WDR27: variants seen among roughly 807,000 people sequenced by gnomAD.
WDR27 encodes WD repeat domain 27, also known as WD repeat-containing protein 27.
A neutral mutation model predicts 114.4 loss-of-function variants in WDR27; 100 were observed. The ratio of observed to expected loss-of-function variants is 0.87; its 90% CI spans 0.74 to 1.03. The LOEUF (loss-of-function observed/expected upper bound fraction) is 1.03, where lower values mean the gene tolerates loss of function less well. Ranked by LOEUF, WDR27 falls within the 50% of genes least tolerant of loss-of-function variation. The probability of loss-of-function intolerance (pLI) is 0.00; values close to 1 mark genes in which losing one functional copy is unlikely to be tolerated. For synonymous variants in WDR27, 449 were observed against 423.1 expected (o/e 1.06, Z -0.75); for missense variants, 1,129 against 1,092.9 (o/e 1.03, Z -0.47).
At chr6:169,673,677 C>T (rs1585080303) in intron 2 of WDR27, among the ~76,000 whole-genome samples, 1 of 152,000 alleles carries the variant, frequency 6.6e-6, no homozygotes, top group East Asian at 1.9e-4. Context: ...GGGCTACGGG[C>T]ACAAAAATGG....
rs569461371 is a variant in WDR27, at chr6:169,608,890, C to T, written c.2321+4669G>A. Among the ~76,000 whole-genome samples, 6 of 152,326 alleles carry T rather than the reference C, an allele frequency of 3.9e-5. No individual in the cohort carries two copies. In the East Asian group the frequency reaches 5.8e-4, roughly 15 times the overall value. ...TGTAATATCAAAAGCAAGCTAGTTA[C>T]TTCCTAGATACAATGGGGGTACAGG... On this transcript the variant is annotated intron_variant, in intron 22 of 25. Coordinates refer to ENST00000448612, the MANE Select transcript of WDR27 (RefSeq NM_182552.5).
intron 25 of WDR27, among the ~76,000 whole-genome samples, chr6:169,562,569 C>G (rs540998879): frequency 6.6e-6 from 1 of 152,192 alleles, no homozygotes; most frequent in African/African-American, 2.4e-5. Flanking sequence ...AAGGGAGGCA[C>G]AGAGGTGACT....
the WDR27 span, among the ~76,000 whole-genome samples, chr6:169,433,295 G>A: frequency 1.6e-4 from 25 of 152,232 alleles, no homozygotes; most frequent in East Asian, 9.7e-4. Context: ...CTGTTTCCAT[G>A]TGTTCTCATT....
At position 169,638,579 on chromosome 6, in the gene WDR27, C is replaced by T. The variant is rs200836555; in HGVS notation, c.1829G>A (p.Arg610Gln). 8.7e-6 allele frequency: 14 copies of T among 1,610,448 alleles called. No homozygotes were observed. The Middle Eastern group carries it at 5.2e-4, about 59-fold the overall frequency. ...LLSAARDGTL[R>Q]MWSARGAELA... is the part of the protein sequence containing the mutation. ...CTCTGCCCCACGAGCCGACCACATT[C>T]GCAGGGTCCCGTCCCGGGCCGCAGA... Residue 610 changes from arginine to glutamine, a missense_variant, in exon 18 of 26, where the codon CGA (arginine) becomes CAA (glutamine). Transcript: ENST00000448612.
chr6:169,574,531 C>T (rs1400188096), intron 24 of WDR27, among the ~76,000 whole-genome samples: 1 of 152,190 alleles, frequency 6.6e-6, no homozygotes, highest in African/African-American at 2.4e-5. Context: ...GCCACATCCG[C>T]CCCAGGTGAC....
At chr6:169,532,139 G>T (rs1346096653) in intron 25 of WDR27, among the ~76,000 whole-genome samples, 2 of 151,894 alleles carry the variant, frequency 1.3e-5, no homozygotes, top group East Asian at 3.9e-4. Context: ...GAAAATTTTT[G>T]AATAATTATT....
Position 169,658,454 on chromosome 6 carries a change from C to G in WDR27, c.1320-96G>C, listed in dbSNP as rs534702588. 5 of 882,994 alleles carry G rather than the reference C, an allele frequency of 5.7e-6. No individual in the cohort carries two copies. The East Asian group carries it at 1.1e-4, about 19-fold the overall frequency. The allele number at this position is 882,994 out of a possible 1,614,324, so 54.7% of individuals were successfully genotyped here. A position where few individuals can be genotyped will look rare whatever the true frequency, so the allele number is the denominator to read the frequency against. ...ACACTTTAAAGACAGTTCCAAATGACTGATTCCTGCAGCTGTGGACATAAC... is the reference window on the plus strand; with the variant it reads ...ACACTTTAAAGACAGTTCCAAATGAGTGATTCCTGCAGCTGTGGACATAAC... On this transcript the variant is annotated intron_variant, in intron 12 of 25. Transcript: ENST00000448612.
intron 18 of WDR27, among the ~76,000 whole-genome samples, chr6:169,637,717 G>C (rs1266635535): frequency 1.3e-5 from 2 of 152,026 alleles, no homozygotes; most frequent in Admixed American, 6.5e-5. Context: ...ATGCGTGTGT[G>C]CCTATTGCAT....
intron 2 of WDR27, among the ~76,000 whole-genome samples, chr6:169,679,628 T>C (rs1036965735): frequency 6.6e-6 from 1 of 152,200 alleles, no homozygotes; most frequent in African/African-American, 2.4e-5. Flanking sequence ...CACTTGTTCC[T>C]GTTTTCACCC....
intron 1 of WDR27, among the ~76,000 whole-genome samples, chr6:169,698,165 C>T (rs1417422267): frequency 1.3e-5 from 2 of 152,194 alleles, no homozygotes; most frequent in Admixed American, 1.3e-4. Context: ...CTGGGTCAGT[C>T]TGGCCCCAGT....
intron 19 of WDR27, among the ~76,000 whole-genome samples, chr6:169,636,060 C>T (rs1036882927): frequency 1.3e-5 from 2 of 152,138 alleles, no homozygotes; most frequent in Non-Finnish European, 2.9e-5. Flanking sequence ...CATAATTTAA[C>T]TTTATGTTAT....
chr6:169,462,490 G>GAGAGAGAAAGAAAGAAAGAAAGAAAGAA (rs555265160), intron 25 of WDR27, among the ~76,000 whole-genome samples: 128 of 149,932 alleles, frequency 8.5e-4, no homozygotes, highest in African/African-American at 2.9e-3. Context: ...GAGAGAGAGA[G>GAGAGAGAAAGAAAGAAAGAAAGAAAGAA]AGAAAGAAAG....
intron 25 of WDR27, among the ~76,000 whole-genome samples, chr6:169,496,954 T>C (rs779839846): frequency 6.6e-6 from 1 of 152,068 alleles, no homozygotes; most frequent in African/African-American, 2.4e-5. Flanking sequence ...AAAATTCAAA[T>C]GGAGTCTCAA....
intron 25 of WDR27, among the ~76,000 whole-genome samples, chr6:169,533,599 G>C (rs1403297239): frequency 6.6e-6 from 1 of 152,138 alleles, no homozygotes; most frequent in African/African-American, 2.4e-5. Flanking sequence ...AGGCAAGAGG[G>C]AATGAGCAGA....
intron 1 of WDR27, among the ~76,000 whole-genome samples, chr6:169,699,142 C>T (rs1333250630): frequency 1.3e-5 from 2 of 152,274 alleles, no homozygotes; most frequent in East Asian, 1.9e-4. Flanking sequence ...GCAAAGAATA[C>T]GCATTAGCAG....
rs1463605383 is a variant in WDR27, at chr6:169,660,685, CA to C, written c.1106del (p.Val369GlyfsTer23). 6.2e-7 allele frequency: 1 copy of C among 1,613,818 alleles called. No individual in the cohort carries two copies. Among genetic ancestry groups the C allele is most frequent in the African/African-American group, 1.3e-5 (1 of 74,946 alleles). On this transcript the variant is annotated frameshift_variant, in exon 10 of 26. Coordinates refer to ENST00000448612, the MANE Select transcript of WDR27 (RefSeq NM_182552.5). LOFTEE classifies it high-confidence loss of function. ...TACCCTTGTAATACAAAGCAGCTTC[CA>C]CTTCCAGGTTTGCCAGGTTAAATAC... ...LFVFNLANLE[V>X]EAALYYKDFQ...
chr6:169,621,753 C>T (rs752262138), intron 21 of WDR27, among the ~76,000 whole-genome samples: 3 of 152,044 alleles, frequency 2.0e-5, no homozygotes, highest in Non-Finnish European at 4.4e-5. Context: ...CACACACACG[C>T]ACACATATAT....
At chr6:169,455,425 G>T (rs935472488), downstream of WDR27, among the ~76,000 whole-genome samples, 2 of 152,178 alleles carry the variant, frequency 1.3e-5, no homozygotes, top group African/African-American at 2.4e-5. Flanking sequence ...TTTTGATGAA[G>T]GCAGAGCAAC....
intron 25 of WDR27, among the ~76,000 whole-genome samples, chr6:169,555,912 C>T (rs1798807178): frequency 6.6e-6 from 1 of 152,048 alleles, no homozygotes; most frequent in Non-Finnish European, 1.5e-5. Flanking sequence ...TGGAGCAAAC[C>T]GATACTCATA....
Sources: gnomAD v4.1 joint callset for allele counts (sites outside exome capture counted in the v4.1 genomes callset) on GRCh38, gnomAD v4.1.1 for gene constraint, MANE v1.5 for transcripts, NCBI Gene and HGNC (gene_info 2026-07-23, HGNC 2026-07-21) for gene names.